Variants in YTHDF3 observed in about 807,000 individuals in gnomAD.
YTHDF3 encodes the protein YTH domain-containing family protein 3.
YTHDF3 carries 9 observed loss-of-function variants against 52.5 expected under a neutral mutation model. That is an observed-to-expected ratio of 0.17 (90% confidence interval 0.10 to 0.30). The LOEUF (loss-of-function observed/expected upper bound fraction) is 0.30. Ranked by LOEUF, YTHDF3 falls within the 10% of genes least tolerant of loss-of-function variation. The pLI is 1.00. For synonymous variants in YTHDF3, 274 were observed against 243.3 expected (o/e 1.13, Z -1.18); for missense variants, 534 against 715.0 (o/e 0.75, Z 2.89).
intron 4 of YTHDF3, among the ~76,000 whole-genome samples, chr8:63,199,863 C>T (rs907114876): frequency 6.6e-6 from 1 of 152,082 alleles, no homozygotes; most frequent in Non-Finnish European, 1.5e-5. Context: ...ATCACAGCTC[C>T]ATTCTCTGTA....
intron 3 of YTHDF3, among the ~76,000 whole-genome samples, chr8:63,183,906 A>G (rs1563399522): frequency 6.6e-6 from 1 of 152,164 alleles, no homozygotes; most frequent in African/African-American, 2.4e-5. Context: ...AAATGGTATA[A>G]TAGTTAGTTG....
intron 4 of YTHDF3, among the ~76,000 whole-genome samples, chr8:63,205,428 T>TTTTC (rs1423907368): frequency 1.3e-5 from 2 of 151,816 alleles, no homozygotes; most frequent in Admixed American, 1.3e-4. Context: ...ATTTCTTTCT[T>TTTTC]TTTCTTTCTT....
chr8:63,199,162 G>A (rs571688401), intron 4 of YTHDF3, among the ~76,000 whole-genome samples: 2 of 152,228 alleles, frequency 1.3e-5, no homozygotes, highest in South Asian at 4.1e-4. Flanking sequence ...ATTATTAATA[G>A]TGGTTATGTT....
chr8:63,175,590 C>A, intron 3 of YTHDF3, 174 bp downstream of exon 3: 3 of 510,874 alleles, frequency 5.9e-6, no homozygotes, highest in Non-Finnish European at 1.1e-5. Flanking sequence ...CAGGAGAGTT[C>A]TTCTTCAGAA....
intron 2 of YTHDF3, chr8:63,173,825 C>A (rs1225485281): frequency 7.7e-6 from 2 of 258,824 alleles, no homozygotes; most frequent in South Asian, 2.9e-4. Flanking sequence ...AATCCTAGTT[C>A]TGATGCAGTC....
intron 4 of YTHDF3, 29 bp from the exon 5 acceptor site, chr8:63,209,654 T>C (rs1467646240): frequency 1.3e-6 from 2 of 1,551,682 alleles, no homozygotes; most frequent in East Asian, 2.3e-5. Context: ...TGTAATTCTT[T>C]TTGTGTGTGT....
At chr8:63,194,008 G>C (rs887208002) in intron 4 of YTHDF3, among the ~76,000 whole-genome samples, 23 of 151,256 alleles carry the variant, frequency 1.5e-4, no homozygotes, top group African/African-American at 5.6e-4. Context: ...GTATAAGAAT[G>C]TTAGGAGCAA....
At position 63,187,182 on chromosome 8, in the gene YTHDF3, G is replaced by A. The variant is rs1808576745; in HGVS notation, c.1171G>A (p.Val391Met). 7 of 1,614,014 alleles carry A rather than the reference G, an allele frequency of 4.3e-6. No individual in the cohort carries two copies. The highest frequency in any genetic ancestry group is 5.9e-6 in the Non-Finnish European group (7 of 1,179,886). The change falls in exon 4 of 5, where the codon GTG becomes ATG. Residue 391 changes from valine to methionine, a missense_variant. This residue lies in a region of YTHDF3 where 203 missense variants were observed against 201.3 expected (regional missense o/e 1.01). Coordinates refer to ENST00000539294, the MANE Select transcript of YTHDF3 (RefSeq NM_152758.6). ...PVSASPSSVE[V>M]HPVLEKLKAI... The stretch of plus-strand genomic sequence containing the variant: ...CAGTGCTTCACCTTCTAGTGTAGAA[G>A]TGCATCCCGTGCTGGAAAAGCTAAA...
intron 4 of YTHDF3, among the ~76,000 whole-genome samples, chr8:63,193,784 A>G (rs757787810): frequency 7.2e-5 from 11 of 152,172 alleles, no homozygotes; most frequent in Admixed American, 2.0e-4. Context: ...AGAATATTTT[A>G]TATCCATTCA....
At chr8:63,184,341 T>G (rs1205056248) in intron 3 of YTHDF3, among the ~76,000 whole-genome samples, 2 of 152,242 alleles carry the variant, frequency 1.3e-5, no homozygotes, top group Non-Finnish European at 2.9e-5. Context: ...CAAGCTTTAC[T>G]GGCAATAGCC....
At chr8:63,189,254 C>T (rs944812481) in intron 4 of YTHDF3, among the ~76,000 whole-genome samples, 1 of 151,982 alleles carries the variant, frequency 6.6e-6, no homozygotes, top group Non-Finnish European at 1.5e-5. Context: ...GATTAGCCCC[C>T]CAAATATTGG....
chr8:63,178,681 A>G (rs1369196342), intron 3 of YTHDF3, among the ~76,000 whole-genome samples: 1 of 152,230 alleles, frequency 6.6e-6, no homozygotes, highest in Admixed American at 6.5e-5. Context: ...ATCTCTAACA[A>G]GATACATATT....
rs1036387728 is a variant in YTHDF3, at chr8:63,212,595, G to A, written c.*2889G>A. The A allele has an allele frequency of 2.6e-5, 4 of 152,566 alleles. No individual in the cohort carries two copies. Among genetic ancestry groups the A allele is most frequent in the Admixed American group, 2.0e-4 (3 of 15,270 alleles). 9.5% of individuals were successfully genotyped at this position (152,566 alleles called of 1,614,324 possible). On this transcript the variant is annotated 3_prime_UTR_variant, in exon 5 of 5. Coordinates refer to ENST00000539294, the MANE Select transcript of YTHDF3 (RefSeq NM_152758.6). ...TCCCTTTTTCGTATGATTAAAGGAA[G>A]GTTATGATAAAATGATTAGTTCATT...
intron 3 of YTHDF3, among the ~76,000 whole-genome samples, chr8:63,180,399 C>G (rs1283242418): frequency 6.6e-6 from 1 of 151,826 alleles, no homozygotes; most frequent in Non-Finnish European, 1.5e-5. Flanking sequence ...AGACGCTCCT[C>G]ACTTCCCAGA....
At chr8:63,202,672 A>G (rs1809716353) in intron 4 of YTHDF3, among the ~76,000 whole-genome samples, 2 of 152,014 alleles carry the variant, frequency 1.3e-5, no homozygotes, top group Admixed American at 6.5e-5. Context: ...CATGTTTGTC[A>G]GGCTGGTCTC....
At chr8:63,203,609 T>C (rs1809788933) in intron 4 of YTHDF3, among the ~76,000 whole-genome samples, 1 of 152,216 alleles carries the variant, frequency 6.6e-6, no homozygotes, top group Non-Finnish European at 1.5e-5. Flanking sequence ...TGAACATTGG[T>C]ACAATATTAT....
chr8:63,181,041 A>ATATT (rs1808100873), intron 3 of YTHDF3, among the ~76,000 whole-genome samples: 1 of 152,198 alleles, frequency 6.6e-6, no homozygotes, highest in Admixed American at 6.5e-5. Context: ...TTATGACTAA[A>ATATT]TAGATTGGAA....
intron 4 of YTHDF3, among the ~76,000 whole-genome samples, chr8:63,191,414 G>A (rs1285814394): frequency 6.6e-6 from 1 of 151,914 alleles, no homozygotes; most frequent in Non-Finnish European, 1.5e-5. Flanking sequence ...GTGAGGTTTT[G>A]CATTCTTCAC....
At chr8:63,199,330 T>G (rs1306633659) in intron 4 of YTHDF3, among the ~76,000 whole-genome samples, 2 of 152,194 alleles carry the variant, frequency 1.3e-5, no homozygotes, top group Non-Finnish European at 2.9e-5. Flanking sequence ...TACCAAAATC[T>G]GCACATACTC....
Sources: allele counts gnomAD v4.1 joint callset (sites outside exome capture counted in the v4.1 genomes callset), GRCh38; gene constraint gnomAD v4.1.1; regional missense constraint gnomAD v4.1.1; transcripts MANE v1.5; gene names NCBI Gene and HGNC (gene_info 2026-07-23, HGNC 2026-07-21).